Variants in GOLGB1 observed in about 807,000 individuals in gnomAD.
GOLGB1 encodes the protein golgin subfamily B member 1.
In GOLGB1, 174 loss-of-function variants were observed where a neutral mutation model predicts 336.9. The ratio of observed to expected loss-of-function variants is 0.52; its 90% confidence interval spans 0.46 to 0.59. GOLGB1 has a LOEUF of 0.59. GOLGB1 is among the 20% of genes least tolerant of loss of function. GOLGB1 has a pLI of 0.00. For synonymous variants in GOLGB1, 1,208 were observed against 1,289.2 expected, an observed-to-expected ratio of 0.94 and a Z score of 1.35; for missense variants, 3,331 against 3,645.3, an observed-to-expected ratio of 0.91 and a Z score of 2.22.
intron 3 of GOLGB1, 46 bp from the exon 4 acceptor site, chr3:121,729,386 C>A: frequency 6.9e-7 from 1 of 1,440,232 alleles, no homozygotes; most frequent in Non-Finnish European, 9.7e-7. Flanking sequence ...TTATTCCCCT[C>A]TTATCTAGCA....
intron 15 of GOLGB1, among the ~76,000 whole-genome samples, chr3:121,680,593 G>A (rs1451853140): frequency 6.6e-6 from 1 of 152,128 alleles, no homozygotes; most frequent in Non-Finnish European, 1.5e-5. Context: ...CAGAATGGAG[G>A]TAGGAAGCAG....
At chr3:121,711,091 G>A (rs1944327682) in intron 10 of GOLGB1, among the ~76,000 whole-genome samples, 1 of 152,108 alleles carries the variant, frequency 6.6e-6, no homozygotes, top group African/African-American at 2.4e-5. Context: ...CTACCTGGGA[G>A]GCTGAGGCAG....
At position 121,692,293 on chromosome 3, in the gene GOLGB1, A is replaced by G. The variant is rs755420588; in HGVS notation, c.7071T>C (p.Ser2357=). 8.7e-6 allele frequency: 14 copies of G among 1,611,634 alleles called. No individual in the cohort carries two copies. The Admixed American group carries it at 2.0e-4, about 23-fold the overall frequency. ...TCTCCAGTTGTTCATAACTGAACTT[A>G]GAATTTTGAATATCAGCCTCTTGCT... ...IRQQEADIQN[S]KFSYEQLETD... Residue 2357 remains serine (S), a synonymous_variant, in exon 14 of 22, where the codon TCT becomes TCC. Coordinates refer to ENST00000614479, the MANE Select transcript of GOLGB1 (RefSeq NM_001366282.2).
intron 15 of GOLGB1, among the ~76,000 whole-genome samples, chr3:121,678,876 T>C (rs1168370977): frequency 1.3e-5 from 2 of 152,160 alleles, no homozygotes; most frequent in African/African-American, 4.8e-5. Context: ...TAAGGCAGCA[T>C]GAACCATCTT....
chr3:121,702,381 C>T lies in GOLGB1; in HGVS notation c.1519+100G>A, dbSNP rs370975485. 2.7e-4 allele frequency: 123 copies of T among 458,228 alleles called. No individual in the cohort carries two copies. In the Middle Eastern group the frequency reaches 3.5e-3, roughly 13 times the overall value. 28.4% of individuals were successfully genotyped at this position (458,228 alleles called of 1,614,324 possible). ...TCTATTATCTAAATCTTTATTATCA[C>T]GGAATCAGAGAATTCTACATGTTAT... On this transcript the variant is annotated intron_variant, in intron 11 of 21. Coordinates refer to ENST00000614479, the MANE Select transcript of GOLGB1 (RefSeq NM_001366282.2).
rs1944833702 is a variant in GOLGB1, at chr3:121,716,987, T to C, written c.1038A>G (p.Glu346=). ...RKLSFHNLQE[E]MHHLLEQFEQ... ...CAAACTGTTCTAAAAGATGATGCAT[T>C]TCTTCCTGCAGATTATGGAAGGATA... The change falls in exon 9 of 22, where the codon GAA becomes GAG. Residue 346 remains glutamate (E), a synonymous_variant. Coordinates refer to ENST00000614479, the MANE Select transcript of GOLGB1 (RefSeq NM_001366282.2). 1 of 1,613,992 alleles carries C rather than the reference T, an allele frequency of 6.2e-7. No homozygotes were observed. Among genetic ancestry groups the C allele is most frequent in the African/African-American group, 1.3e-5 (1 of 74,924 alleles).
At chr3:121,699,565 ATG>A (rs926732264) in intron 12 of GOLGB1, among the ~76,000 whole-genome samples, 16 of 152,326 alleles carry the variant, frequency 1.1e-4, no homozygotes, top group South Asian at 2.1e-4. Flanking sequence ...GTATAAAAAA[ATG>A]TGTTATCAAA....
chr3:121,695,569 A>T lies in GOLGB1; in HGVS notation c.4954T>A (p.Tyr1652Asn), dbSNP rs927151073. The change falls in exon 13 of 22, where the codon TAT (tyrosine) becomes AAT (asparagine). Residue 1652 changes from tyrosine to asparagine, a missense_variant. Transcript: ENST00000614479. Reference sequence around the variant, plus strand: ...GCCTCTGTGCTTCTTAACTTGCCATACAGTTCTTGTTTCTCTTGCCTCACA... The same window carrying T: ...GCCTCTGTGCTTCTTAACTTGCCATTCAGTTCTTGTTTCTCTTGCCTCACA... ...EAVRQEKQEL[Y>N]GKLRSTEANK... is the part of the protein sequence containing the mutation. The T allele has an allele frequency of 6.2e-7, 1 of 1,613,706 alleles. No homozygotes were observed. The highest frequency in any genetic ancestry group is 1.3e-5 in the African/African-American group (1 of 74,816).
chr3:121,732,461 T>C (rs2108309419), intron 1 of GOLGB1, among the ~76,000 whole-genome samples: 1 of 152,242 alleles, frequency 6.6e-6, no homozygotes, highest in Admixed American at 6.5e-5. Flanking sequence ...GTCAACAAAA[T>C]ATTCAAATAG....
intron 15 of GOLGB1, among the ~76,000 whole-genome samples, chr3:121,679,359 T>G (rs931641127): frequency 4.6e-5 from 7 of 151,972 alleles, no homozygotes; most frequent in Admixed American, 3.3e-4. Flanking sequence ...AAAACAAACA[T>G]AAGAAAATTT....
chr3:121,749,924 G>A (rs548497601), upstream of GOLGB1, among the ~76,000 whole-genome samples: 1 of 152,332 alleles, frequency 6.6e-6, no homozygotes, highest in African/African-American at 2.4e-5. Context: ...ACCCTAAAGA[G>A]TGAATGAGGG....
chr3:121,704,946 T>C (rs1943693449), intron 10 of GOLGB1, among the ~76,000 whole-genome samples: 1 of 152,086 alleles, frequency 6.6e-6, no homozygotes. Context: ...TATAGGTTGT[T>C]GTAGAGGCTG....
At chr3:121,719,064 A>G (rs1173755741) in intron 7 of GOLGB1, among the ~76,000 whole-genome samples, 2 of 152,244 alleles carry the variant, frequency 1.3e-5, no homozygotes, top group African/African-American at 4.8e-5. Context: ...AATTAATTCT[A>G]ATTAATTTTC....
chr3:121,694,924 A>G lies in GOLGB1; in HGVS notation c.5599T>C (p.Phe1867Leu). 6.2e-7 allele frequency: 1 copy of G among 1,614,026 alleles called. No homozygotes were observed. Among genetic ancestry groups the G allele is most frequent in the South Asian group, 1.1e-5 (1 of 91,078 alleles). Residue 1867 changes from phenylalanine to leucine, a missense_variant, in exon 13 of 22, where the codon TTT becomes CTT. Coordinates refer to ENST00000614479, the MANE Select transcript of GOLGB1 (RefSeq NM_001366282.2). ...TTCTCATTTTCTAAAGTCTGGCTAAATTCCTTGTTTTTCTGCTTCTCCTCC... is the reference window on the plus strand; with the variant it reads ...TTCTCATTTTCTAAAGTCTGGCTAAGTTCCTTGTTTTTCTGCTTCTCCTCC... ...LEEEKQKNKEFSQTLENEKNT... is the reference protein window; with the variant it reads ...LEEEKQKNKELSQTLENEKNT...
chr3:121,731,368 CTT>C (rs774044046), intron 1 of GOLGB1, among the ~76,000 whole-genome samples: 15 of 143,502 alleles, frequency 1.0e-4, no homozygotes, highest in Admixed American at 2.8e-4. Flanking sequence ...TTTTCTTTTT[CTT>C]TTTTTTTTTT....
At chr3:121,715,134 T>A (rs1285689255) in intron 9 of GOLGB1, among the ~76,000 whole-genome samples, 158 bp from the exon 10 acceptor site, 1 of 152,130 alleles carries the variant, frequency 6.6e-6, no homozygotes, top group African/African-American at 2.4e-5. Flanking sequence ...AAATGTTAAA[T>A]GTTCTCAAGA....
At chr3:121,688,046 T>A (rs1384023527) in intron 14 of GOLGB1, among the ~76,000 whole-genome samples, 1 of 152,158 alleles carries the variant, frequency 6.6e-6, no homozygotes, top group East Asian at 1.9e-4. Flanking sequence ...ATATGGGATA[T>A]TAAGTGAGAT....
At position 121,695,797 on chromosome 3, in the gene GOLGB1, T is replaced by C. The variant is rs774155250; in HGVS notation, c.4726A>G (p.Ser1576Gly). 6.2e-7 allele frequency: 1 copy of C among 1,613,810 alleles called. No individual in the cohort carries two copies. The highest frequency in any genetic ancestry group is 1.1e-5 in the South Asian group (1 of 91,072). Residue 1576 changes from serine (S) to glycine (G), a missense_variant, in exon 13 of 22, where the codon AGT becomes GGT. By Grantham distance (56) the Ser-to-Gly change is moderately conservative (BLOSUM62 0). Transcript: ENST00000614479. The part of the protein sequence containing the change: ...ENQSLSSSCE[S>G]LKLALEGLTE... ...AGACCCTCTAGAGCTAGTTTTAGAC[T>C]TTCACAGGAGCTGCTGAGACTCTGA...
At chr3:121,736,790 G>A (rs1367979953) in intron 1 of GOLGB1, among the ~76,000 whole-genome samples, 1 of 152,120 alleles carries the variant, frequency 6.6e-6, no homozygotes, top group Admixed American at 6.5e-5. Flanking sequence ...TGTAGTCCCA[G>A]CTATTGGGTA....
Sources: allele counts gnomAD v4.1 joint callset (sites outside exome capture counted in the v4.1 genomes callset), GRCh38; gene constraint gnomAD v4.1.1; transcripts MANE v1.5; gene names NCBI Gene and HGNC (gene_info 2026-07-23, HGNC 2026-07-21).